Variants in ITGA7 observed in about 807,000 individuals in gnomAD.
The protein encoded by ITGA7 is integrin alpha-7.
A neutral mutation model predicts 131.6 loss-of-function variants in ITGA7; 84 were observed. The observed-to-expected ratio is 0.64, with a 90% CI of 0.54 to 0.77. The LOEUF (loss-of-function observed/expected upper bound fraction) is 0.77, where lower values mean the gene tolerates loss of function less well. Among genes scored for constraint, ITGA7 ranks in the 30% least tolerant of loss-of-function variants. The pLI, the probability that ITGA7 is intolerant of heterozygous loss-of-function variation, is 0.00. For synonymous variants in ITGA7, 548 were observed against 600.7 expected (o/e 0.91, Z 1.28); for missense variants, 1,399 against 1,482.9 (o/e 0.94, Z 0.93).
chr12:55,708,281 C>A (rs1875660845), upstream of ITGA7, among the ~76,000 whole-genome samples: 1 of 152,166 alleles, frequency 6.6e-6, no homozygotes, highest in African/African-American at 2.4e-5. Context: ...GAGAGATGTG[C>A]AGATAGAGAG....
rs374384926 is a variant in ITGA7 at position 55,697,012 on chromosome 12, G to C, written c.1624C>G (p.Arg542Gly). 1.4e-5 allele frequency: 23 copies of C among 1,614,104 alleles called. No individual in the cohort carries two copies. The highest frequency in any genetic ancestry group is 1.7e-5 in the Non-Finnish European group (20 of 1,180,028). The part of the protein sequence containing the change: ...TDRRLRGQVP[R>G]VTFLSRNLEE... ...AGGTTACGGCTCAGGAACGTCACAC[G>C]GGGAACCTGGCCCCGGAGCCTCCGG... Residue 542 changes from arginine (R) to glycine (G), a missense_variant, in exon 12 of 25, where the codon CGT (arginine) becomes GGT (glycine). Arg to Gly is a moderately radical substitution (Grantham distance 125). Coordinates refer to ENST00000257879, the MANE Select transcript of ITGA7 (RefSeq NM_002206.3).
Position 55,698,872 on chromosome 12 carries a change from A to G in ITGA7, c.836T>C (p.Leu279Pro). 1 of 1,613,936 alleles carries G rather than the reference A, an allele frequency of 6.2e-7. No individual in the cohort carries two copies. Among genetic ancestry groups the G allele is most frequent in the Non-Finnish European group, 8.5e-7 (1 of 1,179,938 alleles). The change falls in exon 6 of 25, where the codon CTG (leucine) becomes CCG (proline). Residue 279 changes from leucine to proline, a missense_variant. Physicochemically the swap from Leu to Pro is moderately conservative, Grantham distance 98. Transcript: ENST00000257879. ...SGKGLVRAEE[L>P]SFVAGAPRAN... ...GCGGGGGGCTCCAGCCACAAAGCTCAGCTCTTCTGCACGCACCAGACCTTT... is the reference window on the plus strand; with the variant it reads ...GCGGGGGGCTCCAGCCACAAAGCTCGGCTCTTCTGCACGCACCAGACCTTT...
chr12:55,692,890 G>T lies in ITGA7; in HGVS notation c.2798C>A (p.Ser933Tyr). The change falls in exon 21 of 25, where the codon TCC becomes TAC. Residue 933 changes from serine (S) to tyrosine (Y), a missense_variant. Ser to Tyr is a moderately radical substitution (Grantham distance 144, BLOSUM62 -2). Coordinates refer to ENST00000257879, the MANE Select transcript of ITGA7 (RefSeq NM_002206.3). The part of the protein sequence containing the change: ...EPGERQEPSM[S>Y]WWPVSSAEKK... ...CTCAGCAGAGGACACTGGCCACCAG[G>T]ACATGCTGGGCTCCTGCCGCTCACC... is the stretch of plus-strand genomic sequence containing the variant. 6.2e-7 allele frequency: 1 copy of T among 1,614,082 alleles called. No individual in the cohort carries two copies. The highest frequency in any genetic ancestry group is 1.1e-5 in the South Asian group (1 of 91,056).
chr12:55,702,957 G>T lies in ITGA7; in HGVS notation c.335-6C>A. On this transcript the variant is annotated splice_polypyrimidine_tract_variant and splice_region_variant and intron_variant, in intron 2 of 24. Transcript: ENST00000257879. ...GCTTTCCTTTTGCATATCAGCTAGA[G>T]GCAGGACACTGGGAATTAGGGGAGG... 5 of 1,613,168 alleles carry T rather than the reference G, an allele frequency of 3.1e-6. No individual in the cohort carries two copies. Among genetic ancestry groups the T allele is most frequent in the African/African-American group, 1.3e-5 (1 of 75,026 alleles).
At chr12:55,689,073 A>G in intron 21 of ITGA7, 116 bp from the exon 22 acceptor site, 1 of 753,036 alleles carries the variant, frequency 1.3e-6, no homozygotes, top group Middle Eastern at 3.7e-4. Flanking sequence ...AGTCTTCTCA[A>G]ACTAATCTTA....
In ITGA7 at chr12:55,694,408, C is replaced by G; in HGVS notation, c.2357+35G>C. The G allele has an allele frequency of 6.2e-7, 1 of 1,612,276 alleles. No individual in the cohort carries two copies. The highest frequency in any genetic ancestry group is 8.5e-7 in the Non-Finnish European group (1 of 1,178,372). On this transcript the variant is annotated intron_variant, in intron 17 of 24. Coordinates refer to ENST00000257879, the MANE Select transcript of ITGA7 (RefSeq NM_002206.3). This position sits in a 1 kb window ranked among gnomAD's most constrained non-coding sequence, Gnocchi z 5.3. Reference sequence around the variant, plus strand: ...GGGTCAGATGAGGTCAATATGACTACCCCCACCTCACCCTTCCGGCCCCGC... The same window carrying G: ...GGGTCAGATGAGGTCAATATGACTAGCCCCACCTCACCCTTCCGGCCCCGC...
intron 21 of ITGA7, among the ~76,000 whole-genome samples, chr12:55,692,298 T>C (rs1313057094): frequency 6.6e-6 from 1 of 150,826 alleles, no homozygotes; most frequent in Non-Finnish European, 1.5e-5. Flanking sequence ...GCACCTGTAG[T>C]CCCAGCTACT....
intron 4 of ITGA7, 145 bp downstream of exon 4, chr12:55,700,754 T>C (rs1030498263): frequency 9.5e-7 from 1 of 1,053,302 alleles, no homozygotes; most frequent in Non-Finnish European, 1.4e-6. Flanking sequence ...GTGCACTAGC[T>C]CAATGGGGTG....
rs185097311 is a variant in ITGA7, at chr12:55,700,596, G to A, written c.670+303C>T. On this transcript the variant is annotated intron_variant, in intron 4 of 24. Coordinates refer to ENST00000257879, the MANE Select transcript of ITGA7 (RefSeq NM_002206.3). ...GTCAGCTCAGCCAGCAGCAGCGTGCGGAGACGGGAATGGCAGTGATGAGGT... is the reference window on the plus strand; with the variant it reads ...GTCAGCTCAGCCAGCAGCAGCGTGCAGAGACGGGAATGGCAGTGATGAGGT... 9.0e-5 allele frequency: 59 copies of A among 657,304 alleles called. 1 individual carries two copies. The highest frequency in any genetic ancestry group is 3.0e-4 in the Admixed American group (10 of 33,756). The allele number at this position is 657,304 out of a possible 1,614,324, so 40.7% of individuals were successfully genotyped here.
At position 55,703,099 on chromosome 12, in the gene ITGA7, A is replaced by T; in HGVS notation, c.286T>A (p.Leu96Met). The stretch of plus-strand genomic sequence containing the variant: ...TAGCAGTCAGTCTCCTCCAGGCTCA[A>T]CGGGCAAGCGAAGAGGCCTCCAGTG... ...NRTGGLFACP[L>M]SLEETDCYRV... Residue 96 changes from leucine (L) to methionine (M), a missense_variant, in exon 2 of 25, where the codon TTG becomes ATG. Transcript: ENST00000257879. 1 of 1,614,054 alleles carries T rather than the reference A, an allele frequency of 6.2e-7. No homozygotes were observed. Among genetic ancestry groups the T allele is most frequent in the South Asian group, 1.1e-5 (1 of 91,086 alleles).
upstream of ITGA7, among the ~76,000 whole-genome samples, chr12:55,715,294 A>T (rs1876432562): frequency 6.6e-6 from 1 of 152,170 alleles, no homozygotes; most frequent in Admixed American, 6.5e-5. Flanking sequence ...TATAACCTAG[A>T]ATGGTGAGCA....
chr12:55,707,075 C>T (rs752830276), intron 1 of ITGA7, among the ~76,000 whole-genome samples: 2 of 152,230 alleles, frequency 1.3e-5, no homozygotes, highest in African/African-American at 2.4e-5. Flanking sequence ...GCACCCTCAA[C>T]TTCTATGTCC....
At chr12:55,715,823 C>T, upstream of ITGA7, 1 of 515,516 alleles carries the variant, frequency 1.9e-6, no homozygotes, top group East Asian at 3.7e-5. Context: ...GATAGACGGC[C>T]TGACACCACC....
upstream of ITGA7, among the ~76,000 whole-genome samples, chr12:55,709,015 G>T (rs1158856792): frequency 3.3e-5 from 5 of 152,184 alleles, no homozygotes; most frequent in Admixed American, 6.5e-5. Context: ...TTGGCATAAT[G>T]GGAACCTCGA....
chr12:55,697,652 G>A (rs763719200), intron 9 of ITGA7, 43 bp downstream of exon 9: 2 of 1,613,984 alleles, frequency 1.2e-6, no homozygotes, highest in South Asian at 2.2e-5. Context: ...TCACAGGGAG[G>A]GGCTGACGGC....
Position 55,696,342 on chromosome 12 carries a change from C to T in ITGA7, c.1828G>A (p.Gly610Arg), listed in dbSNP as rs150583010. ...PRLRRQAPGQ[G>R]LPPVAPILNA... ...AGGATGGGGGCCACTGGAGGCAGCC[C>T]CTGGCCAGGAGCCTGTCGCCGGAGC... is the stretch of plus-strand genomic sequence containing the variant. The change falls in exon 13 of 25, where the codon GGG becomes AGG. Residue 610 changes from glycine to arginine, a missense_variant. Coordinates refer to ENST00000257879, the MANE Select transcript of ITGA7 (RefSeq NM_002206.3). 1,062 of 1,586,216 alleles carry T rather than the reference C, an allele frequency of 6.7e-4. 12 individuals carry two copies. In the Admixed American group the frequency reaches 0.01, roughly 15 times the overall value.
upstream of ITGA7, among the ~76,000 whole-genome samples, chr12:55,714,123 T>C: frequency 6.6e-6 from 1 of 152,172 alleles, no homozygotes; most frequent in East Asian, 1.9e-4. Flanking sequence ...ACACCTGTAA[T>C]CCCAGCACTT....
Position 55,698,548 on chromosome 12 carries a change from AG to A in ITGA7, c.1026del (p.Tyr343ThrfsTer17). ...AGCTCTTCTTGGCGCTCAAAGAAGT[AG>A]GGGGCACCCACTATCAGGTCTGGCC... ...DGWPDLIVGAPYFFERQEELG... is the reference protein window; with the variant it reads ...DGWPDLIVGAXYFFERQEELG... On this transcript the variant is annotated frameshift_variant, in exon 7 of 25. Transcript: ENST00000257879. LOFTEE classifies it high-confidence loss of function. 1 of 1,614,122 alleles carries A rather than the reference AG, an allele frequency of 6.2e-7. No homozygotes were observed. The highest frequency in any genetic ancestry group is 8.5e-7 in the Non-Finnish European group (1 of 1,180,014).
In ITGA7 at chr12:55,688,291, C is replaced by G. The variant is rs758249095; in HGVS notation, c.2968G>C (p.Ala990Pro). 6.2e-7 allele frequency: 1 copy of G among 1,613,092 alleles called. No individual in the cohort carries two copies. The highest frequency in any genetic ancestry group is 8.5e-7 in the Non-Finnish European group (1 of 1,179,092). ...ACAATCACTTCCAGGGACTTCACAG[C>G]TGAGTACTCCTAAGGGAACAGGGAA... ...WNSTFLEEYS[A>P]VKSLEVIVRA... The change falls in exon 23 of 25, where the codon GCT becomes CCT. Residue 990 changes from alanine to proline, a missense_variant. Coordinates refer to ENST00000257879, the MANE Select transcript of ITGA7 (RefSeq NM_002206.3).
Sources: gnomAD v4.1 joint callset for allele counts (sites outside exome capture counted in the v4.1 genomes callset) on GRCh38, gnomAD v4.1.1 for gene constraint, Gnocchi (gnomAD v3.1) non-coding constraint, MANE v1.5 for transcripts, NCBI Gene and HGNC (gene_info 2026-07-23, HGNC 2026-07-21) for gene names.